The following FAT3 variants were observed in gnomAD, a reference collection of about 807,000 sequenced individuals.
FAT3 encodes FAT atypical cadherin 3.
A neutral mutation model predicts 310.2 loss-of-function variants in FAT3; 95 were observed. That is an observed-to-expected ratio of 0.31 (90% CI 0.26 to 0.36). The LOEUF (loss-of-function observed/expected upper bound fraction) is 0.36, where lower values mean the gene tolerates loss of function less well. Among genes scored for constraint, FAT3 ranks in the 10% least tolerant of loss-of-function variants. The pLI is 1.00. For missense variants in FAT3, 5,408 were observed against 5,715.6 expected (o/e 0.95, Z 1.74); for synonymous variants, 2,314 against 2,192.9 (o/e 1.06, Z -1.54).
chr11:92,617,366 T>G (rs976668736), intron 3 of FAT3, among the ~76,000 whole-genome samples: 5 of 152,166 alleles, frequency 3.3e-5, no homozygotes, highest in African/African-American at 1.2e-4. Context: ...TTTATTCTAG[T>G]TAGCCATTCG....
intron 2 of FAT3, among the ~76,000 whole-genome samples, chr11:92,478,966 T>A: frequency 6.9e-6 from 1 of 145,942 alleles, no homozygotes. Context: ...TCTTTTCTTT[T>A]CTTTTCTTTT....
intron 4 of FAT3, among the ~76,000 whole-genome samples, chr11:92,731,248 A>G (rs1945169568): frequency 6.6e-6 from 1 of 152,182 alleles, no homozygotes; most frequent in Admixed American, 6.5e-5. Context: ...TTTGTTCATT[A>G]TTGGTGCCAG....
intron 3 of FAT3, among the ~76,000 whole-genome samples, chr11:92,642,407 C>T (rs1941996878): frequency 6.6e-6 from 1 of 152,154 alleles, no homozygotes; most frequent in Non-Finnish European, 1.5e-5. Context: ...TTTTAACCTC[C>T]AGTGCAAAAC....
Position 92,836,550 on chromosome 11 carries a change from C to T in FAT3, c.10087-16C>T, listed in dbSNP as rs1179041946. On this transcript the variant is annotated splice_polypyrimidine_tract_variant and intron_variant, in intron 15 of 27. Transcript: ENST00000525166. ...TATGTCATGTCTTTTCTTTGTTTTGCTTGTTTTCCATGAAGCTAATAGCAG... is the reference window on the plus strand; with the variant it reads ...TATGTCATGTCTTTTCTTTGTTTTGTTTGTTTTCCATGAAGCTAATAGCAG... The T allele has an allele frequency of 2.5e-6, 4 of 1,610,526 alleles. No homozygotes were observed. Among genetic ancestry groups the T allele is most frequent in the Non-Finnish European group, 3.4e-6 (4 of 1,178,460 alleles).
chr11:92,736,335 A>AC (rs2136013455), intron 4 of FAT3, among the ~76,000 whole-genome samples: 1 of 152,254 alleles, frequency 6.6e-6, no homozygotes, highest in South Asian at 2.1e-4. Flanking sequence ...CAAGATGCTC[A>AC]CCAAGCCCAA....
intron 2 of FAT3, among the ~76,000 whole-genome samples, chr11:92,513,579 AG>A (rs1367244925): frequency 6.6e-6 from 1 of 152,202 alleles, no homozygotes; most frequent in Non-Finnish European, 1.5e-5. Context: ...TAAACAGTGC[AG>A]GGAACTCTCT....
intron 1 of FAT3, among the ~76,000 whole-genome samples, chr11:92,227,690 G>C (rs567463360): frequency 6.6e-6 from 1 of 152,000 alleles, no homozygotes; most frequent in East Asian, 1.9e-4. Context: ...GAGAGACTGA[G>C]ATTCTTCAGA....
At chr11:92,674,216 A>AATG (rs1471387631) in intron 3 of FAT3, among the ~76,000 whole-genome samples, 1 of 148,238 alleles carries the variant, frequency 6.7e-6, no homozygotes, top group Non-Finnish European at 1.5e-5. Flanking sequence ...TAATAATAAT[A>AATG]ATAAAGAGAC....
At chr11:92,716,338 G>A (rs2135960698) in intron 4 of FAT3, among the ~76,000 whole-genome samples, 1 of 152,182 alleles carries the variant, frequency 6.6e-6, no homozygotes, top group Non-Finnish European at 1.5e-5. Context: ...CCCTTTAAAT[G>A]AAGTGAGGTG....
chr11:92,543,396 T>G (rs1247675694), intron 3 of FAT3, among the ~76,000 whole-genome samples: 1 of 152,180 alleles, frequency 6.6e-6, no homozygotes, highest in Non-Finnish European at 1.5e-5. Context: ...TGCTCGATTT[T>G]ATTTTTACAC....
At chr11:92,405,456 G>C (rs1565290355) in intron 2 of FAT3, among the ~76,000 whole-genome samples, 2 of 152,140 alleles carry the variant, frequency 1.3e-5, no homozygotes, top group East Asian at 3.9e-4. Flanking sequence ...TCTAAGGATG[G>C]CATTCAAACA....
intron 3 of FAT3, among the ~76,000 whole-genome samples, chr11:92,636,884 A>G (rs1941786078): frequency 6.6e-6 from 1 of 152,234 alleles, no homozygotes; most frequent in African/African-American, 2.4e-5. Context: ...AAATTAAGTT[A>G]TCTTGGCTAC....
chr11:92,381,290 A>T (rs942227537), intron 2 of FAT3, among the ~76,000 whole-genome samples: 3 of 152,168 alleles, frequency 2.0e-5, no homozygotes, highest in Admixed American at 1.3e-4. Flanking sequence ...CAGGTGGATC[A>T]CTTGAGGTCG....
At chr11:92,591,810 A>G (rs1939440485) in intron 3 of FAT3, among the ~76,000 whole-genome samples, 1 of 152,218 alleles carries the variant, frequency 6.6e-6, no homozygotes, top group Non-Finnish European at 1.5e-5. Context: ...GCAAAGAAAA[A>G]TGAACATTTT....
intron 3 of FAT3, among the ~76,000 whole-genome samples, chr11:92,528,544 A>G (rs970950451): frequency 5.5e-4 from 83 of 152,008 alleles, no homozygotes; most frequent in South Asian, 4.2e-4. Context: ...CTGCCACCAC[A>G]CCCGGCTAAT....
chr11:92,705,565 G>GAC (rs1185249316), intron 4 of FAT3, among the ~76,000 whole-genome samples: 6 of 28,374 alleles, frequency 2.1e-4, no homozygotes, highest in Admixed American at 4.0e-4. Context: ...GTGTGATGGT[G>GAC]GTGGTGGTGG....
At chr11:92,737,598 T>G (rs1286715670) in intron 4 of FAT3, among the ~76,000 whole-genome samples, 1 of 151,960 alleles carries the variant, frequency 6.6e-6, no homozygotes, top group Non-Finnish European at 1.5e-5. Context: ...AATAAAGTCA[T>G]GAGGATTATA....
rs186500776 is a variant in FAT3 at position 92,328,944 on chromosome 11, G to A, written c.-17-23152G>A. 9.2e-5 allele frequency among the ~76,000 whole-genome samples: 14 copies of A among 152,156 alleles called. No homozygotes were observed. The East Asian group carries it at 2.7e-3, about 29-fold the overall frequency. ...AGCACTAGGCCACCATCGACTTTGA[G>A]GCTTTAAAAGACTGTTTAAATTACC... On this transcript the variant is annotated intron_variant, in intron 1 of 27. Coordinates refer to ENST00000525166, the MANE Select transcript of FAT3 (RefSeq NM_001367949.2).
At chr11:92,796,296 T>C (rs1296231816) in intron 9 of FAT3, among the ~76,000 whole-genome samples, 1 of 152,192 alleles carries the variant, frequency 6.6e-6, no homozygotes, top group African/African-American at 2.4e-5. Context: ...GGTGGCAAAG[T>C]AATAAATCAT....
Sources: gnomAD v4.1 joint callset for allele counts (sites outside exome capture counted in the v4.1 genomes callset) on GRCh38, gnomAD v4.1.1 for gene constraint, MANE v1.5 for transcripts, NCBI Gene and HGNC (gene_info 2026-07-23, HGNC 2026-07-21) for gene names.